Variants in MCPH1 observed in about 807,000 individuals in gnomAD.
MCPH1 encodes microcephalin.
A neutral mutation model predicts 84.5 loss-of-function variants in MCPH1; 104 were observed. The ratio of observed to expected loss-of-function variants is 1.23; its 90% CI spans 1.05 to 1.45. MCPH1 has a LOEUF of 1.45. Ranked by LOEUF, MCPH1 falls within the 40% of genes most tolerant of loss-of-function variation. The pLI is 0.00. For missense variants in MCPH1, 1,498 were observed against 1,005.7 expected, an observed-to-expected ratio of 1.49 and a Z score of -6.62; for synonymous variants, 514 against 366.8, an observed-to-expected ratio of 1.40 and a Z score of -4.58.
At chr8:6,607,579 C>G (rs1281474018) in intron 12 of MCPH1, among the ~76,000 whole-genome samples, 1 of 152,216 alleles carries the variant, frequency 6.6e-6, no homozygotes, top group Non-Finnish European at 1.5e-5. Context: ...CAAATCTCAT[C>G]TTGAATTGTA....
intron 8 of MCPH1, among the ~76,000 whole-genome samples, chr8:6,449,235 TCTC>T (rs1204442265): frequency 1.3e-5 from 2 of 152,244 alleles, no homozygotes; most frequent in Non-Finnish European, 2.9e-5. Flanking sequence ...CTTAGATTCT[TCTC>T]TCGATGCCTG....
rs766546095 is a variant in MCPH1, at chr8:6,442,107, C to T, written c.621C>T (p.Asn207=). 1 of 1,613,620 alleles carries T rather than the reference C, an allele frequency of 6.2e-7. No homozygotes were observed. Among genetic ancestry groups the T allele is most frequent in the African/African-American group, 1.3e-5 (1 of 74,924 alleles). The stretch of plus-strand genomic sequence containing the variant: ...AGCAGTCTCATGATAATCCAAGTAA[C>T]TCTCTGTGTGAAGCACCTTTGAACA... ...MIQQSHDNPS[N]SLCEAPLNIS... Residue 207 remains asparagine, a synonymous_variant, in exon 7 of 14, where the codon AAC becomes AAT. Transcript: ENST00000344683.
intron 12 of MCPH1, among the ~76,000 whole-genome samples, chr8:6,549,619 A>C (rs942679505): frequency 1.3e-5 from 2 of 151,718 alleles, no homozygotes; most frequent in Admixed American, 1.3e-4. Context: ...CGGTCGTTAC[A>C]CAGGTGCGCA....
intron 11 of MCPH1, among the ~76,000 whole-genome samples, chr8:6,496,226 A>C (rs763137011): frequency 6.6e-6 from 1 of 152,184 alleles, no homozygotes; most frequent in Non-Finnish European, 1.5e-5. Flanking sequence ...GATTCTCATA[A>C]GGAGCATGCA....
At chr8:6,503,496 C>T (rs1440630372) in intron 12 of MCPH1, among the ~76,000 whole-genome samples, 2 of 152,180 alleles carry the variant, frequency 1.3e-5, no homozygotes. Context: ...CACCTTTTCC[C>T]TTGTGCTGTG....
At chr8:6,538,766 C>T (rs985025075) in intron 12 of MCPH1, among the ~76,000 whole-genome samples, 2 of 152,196 alleles carry the variant, frequency 1.3e-5, no homozygotes, top group Admixed American at 6.5e-5. Context: ...TTCTTGCTTG[C>T]TTGGTGAAGA....
At position 6,647,013 on chromosome 8, in the gene MCPH1, G is replaced by C. The variant is rs1299260124; in HGVS notation, c.*3964G>C. 6.6e-6 allele frequency: 1 copy of C among 151,032 alleles called. No homozygotes were observed. Among genetic ancestry groups the C allele is most frequent in the Non-Finnish European group, 1.5e-5 (1 of 67,770 alleles). 9.4% of individuals were successfully genotyped at this position (151,032 alleles called of 1,614,324 possible). ...AGAAACCATTAAAAAAAAATGAAAA[G>C]ACAAGCCACAGACTATGAAAAAATA... On this transcript the variant is annotated 3_prime_UTR_variant, in exon 14 of 14. Coordinates refer to ENST00000344683, the MANE Select transcript of MCPH1 (RefSeq NM_024596.5).
chr8:6,479,919 A>G (rs73520659), intron 10 of MCPH1, among the ~76,000 whole-genome samples: 2,449 of 152,254 alleles, frequency 0.016, 72 homozygotes, highest in African/African-American at 0.057. Flanking sequence ...ATGATTTAAT[A>G]AAAAGGGTCT....
At chr8:6,574,291 C>G (rs958883628) in intron 12 of MCPH1, among the ~76,000 whole-genome samples, 1 of 152,166 alleles carries the variant, frequency 6.6e-6, no homozygotes, top group African/African-American at 2.4e-5. Context: ...GGGTCCTTCC[C>G]TGTCCCATCC....
intron 5 of MCPH1, among the ~76,000 whole-genome samples, chr8:6,438,042 C>G (rs1012117300): frequency 6.6e-6 from 1 of 152,200 alleles, no homozygotes; most frequent in South Asian, 2.1e-4. Context: ...TTTAACATAT[C>G]CTCCAATTTA....
chr8:6,619,880 G>C, intron 12 of MCPH1, among the ~76,000 whole-genome samples: 1 of 152,150 alleles, frequency 6.6e-6, no homozygotes, highest in East Asian at 1.9e-4. Context: ...CACCGTGCCC[G>C]GCCAGATACT....
At chr8:6,536,211 G>A (rs547969974) in intron 12 of MCPH1, among the ~76,000 whole-genome samples, 12 of 152,172 alleles carry the variant, frequency 7.9e-5, no homozygotes, top group African/African-American at 2.2e-4. Context: ...AGAAACACTA[G>A]CGACAGGAAC....
chr8:6,464,281 G>T (rs566543967), intron 9 of MCPH1, among the ~76,000 whole-genome samples: 3 of 152,162 alleles, frequency 2.0e-5, no homozygotes, highest in Non-Finnish European at 4.4e-5. Context: ...TGTGCTCGTT[G>T]TAACAGGTGT....
intron 13 of MCPH1, among the ~76,000 whole-genome samples, chr8:6,627,470 C>G (rs548550584): frequency 1.2e-3 from 183 of 152,288 alleles, no homozygotes; most frequent in African/African-American, 4.2e-3. Flanking sequence ...ACAATTCAGA[C>G]AATATGAAGA....
At chr8:6,613,796 G>C (rs1470515631) in intron 12 of MCPH1, among the ~76,000 whole-genome samples, 1 of 152,142 alleles carries the variant, frequency 6.6e-6, no homozygotes, top group East Asian at 1.9e-4. Context: ...GAGCTGGCTT[G>C]TGGACGGCCA....
chr8:6,445,161 C>A lies in MCPH1; in HGVS notation c.1439C>A (p.Thr480Asn). 6.2e-7 allele frequency: 1 copy of A among 1,614,222 alleles called. No homozygotes were observed. Among genetic ancestry groups the A allele is most frequent in the South Asian group, 1.1e-5 (1 of 91,090 alleles). Residue 480 changes from threonine (T) to asparagine (N), a missense_variant, in exon 8 of 14, where the codon ACC (threonine) becomes AAC (asparagine). Transcript: ENST00000344683. ...TVDITNFTAK[T>N]ISSPRKTGNG... ...GACATTACCAATTTCACAGCAAAAA[C>A]CATCTCCAGTCCTCGGAAAACTGGA...
chr8:6,532,769 G>A (rs1235579908), intron 12 of MCPH1, among the ~76,000 whole-genome samples: 1 of 152,166 alleles, frequency 6.6e-6, no homozygotes, highest in Non-Finnish European at 1.5e-5. Context: ...CCATGTCATG[G>A]CAGGCCACAG....
intron 9 of MCPH1, among the ~76,000 whole-genome samples, chr8:6,469,498 T>C (rs1319913452): frequency 6.6e-6 from 1 of 152,166 alleles, no homozygotes; most frequent in African/African-American, 2.4e-5. Flanking sequence ...TTTAAAAATT[T>C]CCTCTATAGT....
intron 12 of MCPH1, among the ~76,000 whole-genome samples, chr8:6,602,921 A>G (rs1203429864): frequency 1.3e-5 from 2 of 151,874 alleles, no homozygotes; most frequent in Non-Finnish European, 2.9e-5. Context: ...ATATATATGT[A>G]TATTTGTGTG....
Sources: gnomAD v4.1 joint callset for allele counts (sites outside exome capture counted in the v4.1 genomes callset) on GRCh38, gnomAD v4.1.1 for gene constraint, MANE v1.5 for transcripts, NCBI Gene and HGNC (gene_info 2026-07-23, HGNC 2026-07-21) for gene names.